MRPL42: variants seen among roughly 807,000 people sequenced by gnomAD.
The protein encoded by MRPL42 is large ribosomal subunit protein mL42.
MRPL42 carries 17 observed loss-of-function variants against 17.9 expected under a neutral mutation model. The observed-to-expected ratio is 0.95, with a 90% CI of 0.65 to 1.42. The LOEUF (loss-of-function observed/expected upper bound fraction) is 1.42. MRPL42 is among the 40% of genes most tolerant of loss of function. MRPL42 has a pLI of 0.00. For missense variants in MRPL42, 177 were observed against 175.2 expected (o/e 1.01, Z -0.06); for synonymous variants, 59 against 54.4 (o/e 1.08, Z -0.37).
chr12:93,477,056 G>C (rs1156584207), intron 3 of MRPL42, 39 bp downstream of exon 3: 1 of 1,353,048 alleles, frequency 7.4e-7, no homozygotes, highest in Non-Finnish European at 1.0e-6. Context: ...AATAGTCTTA[G>C]CTATAGCTGA....
rs55824565 is a variant in MRPL42 at position 93,467,546 on chromosome 12, G to C, written c.-103G>C. The C allele has an allele frequency of 6.5e-6, 1 of 152,684 alleles. No homozygotes were observed. The highest frequency in any genetic ancestry group is 1.5e-5 in the Non-Finnish European group (1 of 68,082). The allele number at this position is 152,684 out of a possible 1,614,324, so 9.5% of individuals were successfully genotyped here. On this transcript the variant is annotated 5_prime_UTR_variant, in exon 1 of 6. Transcript: ENST00000549982. The stretch of plus-strand genomic sequence containing the variant: ...CAAGATGGCGGGTTCGTGGTGAGAA[G>C]CCGTCAAGGTAACCGCTTCCCTCTA...
chr12:93,476,861 A>G, intron 2 of MRPL42, 93 bp from the exon 3 acceptor site: 1 of 1,149,702 alleles, frequency 8.7e-7, no homozygotes, highest in Non-Finnish European at 1.3e-6. Context: ...ACTAAACAGT[A>G]ATGTTGGTTG....
chr12:93,499,629 G>C (rs2364228), intron 5 of MRPL42, among the ~76,000 whole-genome samples: 101,914 of 151,868 alleles, frequency 0.67, 34,423 homozygotes, highest in Middle Eastern at 0.72. Flanking sequence ...AGAATTTTCT[G>C]TATGCCAACA....
intron 5 of MRPL42, among the ~76,000 whole-genome samples, chr12:93,495,428 G>T (rs1341945652): frequency 2.0e-5 from 3 of 152,012 alleles, no homozygotes; most frequent in African/African-American, 7.2e-5. Context: ...GAGAGATAGG[G>T]TTTGCCATGT....
chr12:93,502,326 C>A lies in MRPL42; in HGVS notation c.*1105C>A, dbSNP rs143459572. 11 of 152,280 alleles carry A rather than the reference C, an allele frequency of 7.2e-5. No homozygotes were observed. Among genetic ancestry groups the A allele is most frequent in the African/African-American group, 2.6e-4 (11 of 41,558 alleles). The allele number at this position is 152,280 out of a possible 1,614,324, so 9.4% of individuals were successfully genotyped here. A position where few individuals can be genotyped will look rare whatever the true frequency, so the allele number is the denominator to read the frequency against. ...TGTATGATCCTTAATAGCATTGCTTCCCCTTCAGTTTCTATTTAGGAGGTG... is the reference window on the plus strand; with the variant it reads ...TGTATGATCCTTAATAGCATTGCTTACCCTTCAGTTTCTATTTAGGAGGTG... On this transcript the variant is annotated 3_prime_UTR_variant, in exon 6 of 6. Coordinates refer to ENST00000549982, the MANE Select transcript of MRPL42 (RefSeq NM_014050.4).
In MRPL42 at chr12:93,501,362, A is replaced by C. The variant is rs1953592157; in HGVS notation, c.*141A>C. 2.0e-6 allele frequency: 1 copy of C among 489,500 alleles called. No homozygotes were observed. Among genetic ancestry groups the C allele is most frequent in the Admixed American group, 4.3e-5 (1 of 23,024 alleles). The allele number at this position is 489,500 out of a possible 1,614,324, so 30.3% of individuals were successfully genotyped here. A position where few individuals can be genotyped will look rare whatever the true frequency, so the allele number is the denominator to read the frequency against. On this transcript the variant is annotated 3_prime_UTR_variant, in exon 6 of 6. Coordinates refer to ENST00000549982, the MANE Select transcript of MRPL42 (RefSeq NM_014050.4). ...TATATTAGAATGTGTACTTTTATAT[A>C]AAGTAATTCTGGATTTGACATTCTC...
chr12:93,483,357 CAT>C (rs939730022), intron 4 of MRPL42, among the ~76,000 whole-genome samples: 11 of 152,188 alleles, frequency 7.2e-5, no homozygotes, highest in African/African-American at 2.4e-4. Context: ...ACGTGAACAT[CAT>C]AGAGTGTCAC....
At position 93,501,313 on chromosome 12, in the gene MRPL42, T is replaced by C. The variant is rs1223801216; in HGVS notation, c.*92T>C. ...GTGTATTCAGTAATATATAGTAAAG[T>C]AATAATGATAAAATATCTTTTCATA... On this transcript the variant is annotated 3_prime_UTR_variant, in exon 6 of 6. Transcript: ENST00000549982. 1.3e-6 allele frequency: 1 copy of C among 767,388 alleles called. No homozygotes were observed. The highest frequency in any genetic ancestry group is 2.0e-6 in the Non-Finnish European group (1 of 507,140). 47.5% of individuals were successfully genotyped at this position (767,388 alleles called of 1,614,324 possible).
At chr12:93,477,459 A>G (rs1342139487) in intron 3 of MRPL42, among the ~76,000 whole-genome samples, 1 of 152,266 alleles carries the variant, frequency 6.6e-6, no homozygotes, top group Non-Finnish European at 1.5e-5. Context: ...GATAAGAACT[A>G]GGAATAACAT....
At chr12:93,485,035 G>A (rs1435431919) in intron 4 of MRPL42, among the ~76,000 whole-genome samples, 1 of 40,050 alleles carries the variant, frequency 2.5e-5, no homozygotes, top group Admixed American at 2.5e-4. Flanking sequence ...TATAAACAGA[G>A]ATGGGGGGTC....
chr12:93,487,951 C>A, intron 5 of MRPL42: 1 of 268,576 alleles, frequency 3.7e-6, no homozygotes, highest in Non-Finnish European at 6.8e-6. Context: ...CATGTGCCAC[C>A]ACACCTGGCT....
chr12:93,469,409 A>G, intron 2 of MRPL42, 54 bp downstream of exon 2: 1 of 1,350,558 alleles, frequency 7.4e-7, no homozygotes, highest in Non-Finnish European at 1.0e-6. Flanking sequence ...AAGAATTAAG[A>G]AAATTTAAAG....
At chr12:93,479,604 C>A in intron 4 of MRPL42, 132 bp downstream of exon 4, 1 of 455,160 alleles carries the variant, frequency 2.2e-6, no homozygotes, top group Non-Finnish European at 3.8e-6. Flanking sequence ...TTTAATTTTA[C>A]TATTTTGATT....
chr12:93,471,924 C>T (rs1273685532), intron 2 of MRPL42, among the ~76,000 whole-genome samples: 63 of 152,290 alleles, frequency 4.1e-4, no homozygotes, highest in South Asian at 2.1e-4. Flanking sequence ...GAAGTCACAT[C>T]CAATCAGTTT....
chr12:93,497,161 A>G (rs1953521659), intron 5 of MRPL42, among the ~76,000 whole-genome samples: 1 of 152,114 alleles, frequency 6.6e-6, no homozygotes, highest in Non-Finnish European at 1.5e-5. Context: ...TACCAATCCT[A>G]CTGATACTAT....
At chr12:93,481,532 C>T (rs758187917) in intron 4 of MRPL42, among the ~76,000 whole-genome samples, 18 of 152,170 alleles carry the variant, frequency 1.2e-4, no homozygotes, top group Non-Finnish European at 1.5e-4. Flanking sequence ...TCCTCCTCCA[C>T]CACTCTGCAC....
chr12:93,496,642 G>GT (rs1208951592), intron 5 of MRPL42, among the ~76,000 whole-genome samples: 74 of 39,448 alleles, frequency 1.9e-3, no homozygotes, highest in African/African-American at 8.3e-3. Flanking sequence ...GTCAGATTAG[G>GT]TAAAAAAAAA....
chr12:93,467,960 C>G (rs1010892352), intron 1 of MRPL42, among the ~76,000 whole-genome samples: 2 of 152,156 alleles, frequency 1.3e-5, no homozygotes, highest in African/African-American at 4.8e-5. Flanking sequence ...GCAGGGCGTG[C>G]TTTTCTCTGG....
At chr12:93,469,747 T>G (rs1042870213) in intron 2 of MRPL42, among the ~76,000 whole-genome samples, 2 of 152,200 alleles carry the variant, frequency 1.3e-5, no homozygotes, top group Non-Finnish European at 1.5e-5. Context: ...AAAAAAAGCA[T>G]GTCAGAACCA....
Sources: gnomAD v4.1 joint callset for allele counts (sites outside exome capture counted in the v4.1 genomes callset) on GRCh38, gnomAD v4.1.1 for gene constraint, MANE v1.5 for transcripts, NCBI Gene and HGNC (gene_info 2026-07-23, HGNC 2026-07-21) for gene names.